The following CNGB3 variants were observed in gnomAD, a reference collection of about 807,000 sequenced individuals.
The protein encoded by CNGB3 is cyclic nucleotide-gated channel beta-3.
In CNGB3, 86 loss-of-function variants were observed where a neutral mutation model predicts 92.8. The observed-to-expected ratio is 0.93, with a 90% confidence interval of 0.78 to 1.11. The LOEUF is 1.11. CNGB3 is among the 50% of genes least tolerant of loss of function. The probability of loss-of-function intolerance (pLI) is 0.00; values close to 1 mark genes in which losing one functional copy is unlikely to be tolerated. For missense variants in CNGB3, 1,026 were observed against 956.8 expected (o/e 1.07, Z -0.95); for synonymous variants, 333 against 332.7 (o/e 1.00, Z -0.01).
intron 15 of CNGB3, among the ~76,000 whole-genome samples, chr8:86,592,132 A>G (rs920496083): frequency 2.0e-5 from 3 of 152,280 alleles, no homozygotes; most frequent in South Asian, 4.1e-4. Context: ...CCTTTCTTTG[A>G]TTAGGAAAGG....
chr8:86,580,997 A>G (rs76084900), intron 15 of CNGB3, among the ~76,000 whole-genome samples: 3,235 of 152,236 alleles, frequency 0.021, 103 homozygotes, highest in African/African-American at 0.073. Flanking sequence ...CAGTATGAAC[A>G]ACTTCTGTTG....
chr8:86,726,918 T>C (rs988109158), intron 2 of CNGB3, among the ~76,000 whole-genome samples: 2 of 152,164 alleles, frequency 1.3e-5, no homozygotes, highest in Non-Finnish European at 2.9e-5. Flanking sequence ...TTAGGTGACT[T>C]AGTCGTTGTG....
In CNGB3 at chr8:86,599,152, A is replaced by G. The variant is rs191089456; in HGVS notation, c.1781+4941T>C. The stretch of plus-strand genomic sequence containing the variant: ...TTTCATGGACATTTATTAGTTCCCC[A>G]AATTAATACTTTTATAATTTCTTAT... On this transcript the variant is annotated intron_variant, in intron 15 of 17. Transcript: ENST00000320005. 6.8e-3 allele frequency among the ~76,000 whole-genome samples: 1,041 copies of G among 152,340 alleles called. 10 individuals are homozygous for G. Among genetic ancestry groups the G allele is most frequent in the Middle Eastern group, 0.01 (3 of 294 alleles).
intron 6 of CNGB3, chr8:86,657,875 G>A (rs530611898): frequency 3.3e-5 from 18 of 539,092 alleles, no homozygotes; most frequent in Non-Finnish European, 4.1e-5. Context: ...ACTTTCCTGC[G>A]GGAGGACAGG....
chr8:86,594,669 C>A (rs1047177070), intron 15 of CNGB3: 1 of 185,578 alleles, frequency 5.4e-6, no homozygotes, highest in South Asian at 9.8e-5. Context: ...CCCAGCCTCC[C>A]GCTTGCCCCT....
chr8:86,630,193 T>C (rs1357295176), intron 11 of CNGB3, among the ~76,000 whole-genome samples: 1 of 152,164 alleles, frequency 6.6e-6, no homozygotes, highest in African/African-American at 2.4e-5. Context: ...CTCTTCCAAA[T>C]ATTCCTCAAC....
rs118147523 is a variant in CNGB3, at chr8:86,729,490, C to T, written c.212-2833G>A. ...TTGATCCTGCCTCTATTTTGACAAG[C>T]CTGGGATATTTATAAATTAATTTCA... is the stretch of plus-strand genomic sequence containing the variant. On this transcript the variant is annotated intron_variant, in intron 2 of 17. Transcript: ENST00000320005. Among the ~76,000 whole-genome samples, 367 of 152,268 alleles carry T rather than the reference C, an allele frequency of 2.4e-3. 1 individual carries two copies. The highest frequency in any genetic ancestry group is 0.02 in the Middle Eastern group (6 of 294).
chr8:86,724,752 G>T (rs1012143070), intron 3 of CNGB3, among the ~76,000 whole-genome samples: 1 of 152,070 alleles, frequency 6.6e-6, no homozygotes, highest in African/African-American at 2.4e-5. Context: ...TCTGAAGAAT[G>T]AATAGAAGTT....
chr8:86,632,921 CT>C, intron 10 of CNGB3, 28 bp from the exon 11 acceptor site: 2 of 1,608,840 alleles, frequency 1.2e-6, no homozygotes, highest in South Asian at 2.2e-5. Context: ...ATACATTTTG[CT>C]TTTTTTCTAT....
chr8:86,585,868 T>C (rs1821880072), intron 15 of CNGB3, among the ~76,000 whole-genome samples: 1 of 152,124 alleles, frequency 6.6e-6, no homozygotes, highest in South Asian at 2.1e-4. Context: ...AAGAGTAAGT[T>C]TATGGATGGA....
intron 6 of CNGB3, chr8:86,660,230 A>G: frequency 6.5e-6 from 2 of 308,780 alleles, no homozygotes. Flanking sequence ...TTGTATGCTG[A>G]TATTCTCTCA....
chr8:86,664,692 C>T (rs1371592746), intron 6 of CNGB3, among the ~76,000 whole-genome samples: 2 of 152,106 alleles, frequency 1.3e-5, no homozygotes, highest in African/African-American at 2.4e-5. Context: ...TTAGGAAGGG[C>T]ACTGCATTTG....
chr8:86,657,705 T>G (rs1205324102), intron 6 of CNGB3: 1 of 457,706 alleles, frequency 2.2e-6, no homozygotes, highest in African/African-American at 2.0e-5. Flanking sequence ...CTTGTTGTGG[T>G]TGCCCACAAG....
At chr8:86,604,727 A>G (rs1822380671) in intron 14 of CNGB3, among the ~76,000 whole-genome samples, 1 of 152,130 alleles carries the variant, frequency 6.6e-6, no homozygotes, top group Non-Finnish European at 1.5e-5. Context: ...TTAATGCAGC[A>G]GGTTGTTTTA....
chr8:86,607,797 C>A (rs1425869162), intron 14 of CNGB3, among the ~76,000 whole-genome samples: 1 of 152,122 alleles, frequency 6.6e-6, no homozygotes, highest in Non-Finnish European at 1.5e-5. Context: ...GCAAACTTGG[C>A]CCCAAATGCT....
At chr8:86,657,430 T>C in intron 6 of CNGB3, 1 of 502,058 alleles carries the variant, frequency 2.0e-6, no homozygotes, top group Non-Finnish European at 4.0e-6. Flanking sequence ...GATAGAAAAA[T>C]GGAATGCAGG....
intron 15 of CNGB3, among the ~76,000 whole-genome samples, chr8:86,587,856 A>T (rs1821931493): frequency 6.6e-6 from 1 of 151,924 alleles, no homozygotes; most frequent in Non-Finnish European, 1.5e-5. Flanking sequence ...TTAAAGTAGT[A>T]TTTTCCAATT....
intron 12 of CNGB3, 139 bp from the exon 13 acceptor site, chr8:86,626,219 T>C: frequency 2.9e-6 from 2 of 690,674 alleles, no homozygotes; most frequent in South Asian, 1.6e-5. Context: ...CATCAGATTC[T>C]ATATTTTCAT....
intron 3 of CNGB3, among the ~76,000 whole-genome samples, chr8:86,672,826 G>A (rs1823886347): frequency 6.6e-6 from 1 of 152,010 alleles, no homozygotes; most frequent in African/African-American, 2.4e-5. Flanking sequence ...TCTTTCAAAG[G>A]TAAACGGTCC....
Sources: allele counts gnomAD v4.1 joint callset (sites outside exome capture counted in the v4.1 genomes callset), GRCh38; gene constraint gnomAD v4.1.1; transcripts MANE v1.5; gene names NCBI Gene and HGNC (gene_info 2026-07-23, HGNC 2026-07-21).